CNOT11: variants seen among roughly 807,000 people sequenced by gnomAD.
CNOT11 encodes the protein CCR4-NOT transcription complex subunit 11.
A neutral mutation model predicts 44.6 loss-of-function variants in CNOT11; 18 were observed. That is an observed-to-expected ratio of 0.40 (90% confidence interval 0.28 to 0.60). CNOT11 has a LOEUF of 0.60. CNOT11 is among the 20% of genes least tolerant of loss of function. The probability of loss-of-function intolerance (pLI) is 0.38; values close to 1 mark genes in which losing one functional copy is unlikely to be tolerated. For synonymous variants in CNOT11, 291 were observed against 270.9 expected (o/e 1.07, Z -0.73); for missense variants, 513 against 677.0 (o/e 0.76, Z 2.69).
rs1177951422 is a variant in CNOT11, at chr2:101,264,859, G to C, written c.847G>C (p.Glu283Gln). 2 of 1,613,948 alleles carry C rather than the reference G, an allele frequency of 1.2e-6. No individual in the cohort carries two copies. Among genetic ancestry groups the C allele is most frequent in the African/African-American group, 2.7e-5 (2 of 74,906 alleles). ...KPPIESHFRP[E>Q]FIRPPPPLHI... ...TCTCATTACAGGCCATTTTCGACCA[G>C]AGTTTATTCGTCCACCGCCTCCACT... Residue 283 changes from glutamate to glutamine, a missense_variant, in exon 4 of 7, where the codon GAG (glutamate) becomes CAG (glutamine). Physicochemically the swap from Glu to Gln is conservative, Grantham distance 29. Coordinates refer to ENST00000289382, the MANE Select transcript of CNOT11 (RefSeq NM_017546.5).
At chr2:101,262,424 C>A in intron 2 of CNOT11, 115 bp from the exon 3 acceptor site, 1 of 885,466 alleles carries the variant, frequency 1.1e-6, no homozygotes, top group Non-Finnish European at 1.8e-6. Flanking sequence ...TTTTCTCTCT[C>A]TCTCTGAATC....
chr2:101,265,807 C>T (rs1473154873), intron 4 of CNOT11, among the ~76,000 whole-genome samples: 1 of 152,102 alleles, frequency 6.6e-6, no homozygotes, highest in Non-Finnish European at 1.5e-5. Flanking sequence ...TTAAAGTAGC[C>T]CCCACTGCCC....
At chr2:101,256,610 A>G (rs918187404) in intron 1 of CNOT11, among the ~76,000 whole-genome samples, 1 of 152,256 alleles carries the variant, frequency 6.6e-6, no homozygotes, top group Admixed American at 6.5e-5. Context: ...GTATTTGGAT[A>G]GCTGCTGGTT....
chr2:101,269,667 C>T lies in CNOT11; in HGVS notation c.*254C>T, dbSNP rs150501814. On this transcript the variant is annotated 3_prime_UTR_variant, in exon 7 of 7. Coordinates refer to ENST00000289382, the MANE Select transcript of CNOT11 (RefSeq NM_017546.5). This position sits in a 1 kb window ranked among gnomAD's most constrained non-coding sequence, Gnocchi z 4.8. ...GGAATGGCTATCCCAAAAAAAGTTC[C>T]GCAAAAAAGTAGATGAGTTTCTTTT... The T allele has an allele frequency of 4.5e-5, 15 of 336,398 alleles. No homozygotes were observed. The highest frequency in any genetic ancestry group is 8.1e-4 in the Middle Eastern group (1 of 1,232). The allele number at this position is 336,398 out of a possible 1,614,324, so 20.8% of individuals were successfully genotyped here.
rs557640216 is a variant in CNOT11, at chr2:101,268,116, G to A, written c.1239-924G>A. Among the ~76,000 whole-genome samples, 27 of 152,218 alleles carry A rather than the reference G, an allele frequency of 1.8e-4. 1 individual carries two copies. Among genetic ancestry groups the A allele is most frequent in the Non-Finnish European group, 1.2e-4 (8 of 68,046 alleles). On this transcript the variant is annotated intron_variant, in intron 5 of 6. Coordinates refer to ENST00000289382, the MANE Select transcript of CNOT11 (RefSeq NM_017546.5). ...GCGGTAGCAGAGGGAGGAAATGTGAGGTTTCCAAATTAATTTTTAACTTTA... is the reference window on the plus strand; with the variant it reads ...GCGGTAGCAGAGGGAGGAAATGTGAAGTTTCCAAATTAATTTTTAACTTTA...
chr2:101,261,031 T>C (rs1681851532), intron 2 of CNOT11, among the ~76,000 whole-genome samples: 1 of 152,206 alleles, frequency 6.6e-6, no homozygotes, highest in South Asian at 2.1e-4. Context: ...TTTTATTGAT[T>C]TGTATAGTTC....
chr2:101,255,247 G>A (rs967219516), intron 1 of CNOT11, among the ~76,000 whole-genome samples: 8 of 152,214 alleles, frequency 5.3e-5, no homozygotes, highest in Non-Finnish European at 1.2e-4. Context: ...TGTAATCCCA[G>A]CACTTTGGGA....
In CNOT11 at chr2:101,262,573, G is replaced by A. The variant is rs752800991; in HGVS notation, c.714G>A (p.Ala238=). ...CTGAATTGCCAACGCAAAGCAAAGC[G>A]AGCTTCCCCAGTATTCTCAGTGACC... ...RQSELPTQSK[A]SFPSILSDPD... Residue 238 remains alanine (A), a synonymous_variant, in exon 3 of 7, where the codon GCG becomes GCA. Coordinates refer to ENST00000289382, the MANE Select transcript of CNOT11 (RefSeq NM_017546.5). The A allele has an allele frequency of 6.2e-6, 10 of 1,614,086 alleles. No homozygotes were observed. The highest frequency in any genetic ancestry group is 4.5e-5 in the East Asian group (2 of 44,870).
chr2:101,269,553 C>T lies in CNOT11; in HGVS notation c.*140C>T. Reference sequence around the variant, plus strand: ...TCTACTTAAAGCAAAGTTTTGCTTTCTTGAATGACTTTTTCTGTGAGATGA... The same window carrying T: ...TCTACTTAAAGCAAAGTTTTGCTTTTTTGAATGACTTTTTCTGTGAGATGA... On this transcript the variant is annotated 3_prime_UTR_variant, in exon 7 of 7. Transcript: ENST00000289382. The surrounding 1 kb of genome is among the most constrained non-coding windows in gnomAD (Gnocchi z 4.8). 1.6e-6 allele frequency: 1 copy of T among 608,050 alleles called. No homozygotes were observed. The highest frequency in any genetic ancestry group is 2.7e-6 in the Non-Finnish European group (1 of 368,290). 37.7% of individuals were successfully genotyped at this position (608,050 alleles called of 1,614,324 possible).
chr2:101,268,068 TAGA>T (rs746382371), intron 5 of CNOT11, among the ~76,000 whole-genome samples: 4 of 152,212 alleles, frequency 2.6e-5, no homozygotes, highest in African/African-American at 7.2e-5. Flanking sequence ...AGTACGTGCA[TAGA>T]AGGAGAGTGC....
rs1344873127 is a variant in CNOT11, at chr2:101,253,089, GCGGAGCAAGCGGCCC to G, written c.129_143del (p.Ala44_Gly48del). ...TTCGGGGGCTCCGGCGGCGGCAGAG[GCGGAGCAAGCGGCCC>G]CGGGTCCGGGAGCGGAGGCCCGGGG... On this transcript the variant is annotated inframe_deletion, in exon 1 of 7. Transcript: ENST00000289382. This position sits in a 1 kb window ranked among gnomAD's most constrained non-coding sequence, Gnocchi z 4.3. 1 of 1,512,200 alleles carries G rather than the reference GCGGAGCAAGCGGCCC, an allele frequency of 6.6e-7. No homozygotes were observed. The highest frequency in any genetic ancestry group is 2.2e-5 in the Admixed American group (1 of 46,398). 93.7% of individuals were successfully genotyped at this position (1,512,200 alleles called of 1,614,324 possible). A position where few individuals can be genotyped will look rare whatever the true frequency, so the allele number is the denominator to read the frequency against.
In CNOT11 at chr2:101,253,400, G is replaced by T; in HGVS notation, c.436G>T (p.Ala146Ser). The T allele has an allele frequency of 6.3e-7, 1 of 1,588,650 alleles. No individual in the cohort carries two copies. Residue 146 changes from alanine to serine, a missense_variant, in exon 1 of 7, where the codon GCC becomes TCC. This residue lies in a region of CNOT11 where 259 missense variants were observed against 265.7 expected (regional missense o/e 0.97). Coordinates refer to ENST00000289382, the MANE Select transcript of CNOT11 (RefSeq NM_017546.5). The surrounding 1 kb of genome is among the most constrained non-coding windows in gnomAD (Gnocchi z 4.3). ...CGAGCCGCTGGCCGCCAACCCCTTCGCCGCCAGCTTCGCGCACCTGCTCAA... is the reference window on the plus strand; with the variant it reads ...CGAGCCGCTGGCCGCCAACCCCTTCTCCGCCAGCTTCGCGCACCTGCTCAA... ...RTEPLAANPF[A>S]ASFAHLLNPA... is the part of the protein sequence containing the mutation.
chr2:101,253,884 C>G lies in CNOT11; in HGVS notation c.514+406C>G, dbSNP rs919420870. 6.6e-6 allele frequency among the ~76,000 whole-genome samples: 1 copy of G among 152,150 alleles called. No homozygotes were observed. The highest frequency in any genetic ancestry group is 1.5e-5 in the Non-Finnish European group (1 of 68,036). On this transcript the variant is annotated intron_variant, in intron 1 of 6. Transcript: ENST00000289382. The surrounding 1 kb of genome is among the most constrained non-coding windows in gnomAD (Gnocchi z 4.3). ...GTACGTGGAAGTCAGTATTAAGAAG[C>G]TGAAGAAGTTGGTGGGCGGAAATAC... is the stretch of plus-strand genomic sequence containing the variant.
At chr2:101,264,483 C>T (rs1185411937) in intron 3 of CNOT11, among the ~76,000 whole-genome samples, 1 of 152,128 alleles carries the variant, frequency 6.6e-6, no homozygotes, top group African/African-American at 2.4e-5. Flanking sequence ...TGTGTGAGGG[C>T]ATAGTATTTC....
intron 2 of CNOT11, among the ~76,000 whole-genome samples, chr2:101,258,499 A>G (rs1681783471): frequency 6.6e-6 from 1 of 152,070 alleles, no homozygotes; most frequent in African/African-American, 2.4e-5. Context: ...TTTCACTTGA[A>G]TTGATTGCTT....
chr2:101,268,694 A>C (rs1210752602), intron 5 of CNOT11, among the ~76,000 whole-genome samples: 1 of 152,228 alleles, frequency 6.6e-6, no homozygotes, highest in Non-Finnish European at 1.5e-5. Context: ...TTCTCATTAA[A>C]ACATTCCATG....
At position 101,264,997 on chromosome 2, in the gene CNOT11, A is replaced by G; in HGVS notation, c.985A>G (p.Ile329Val). 6.2e-7 allele frequency: 1 copy of G among 1,614,202 alleles called. No individual in the cohort carries two copies. Among genetic ancestry groups the G allele is most frequent in the Non-Finnish European group, 8.5e-7 (1 of 1,180,020 alleles). ...KNSTGVEIKR[I>V]MAKAFKSPLS... ...TAGCACTGGTGTGGAGATCAAACGA[A>G]TAATGGCCAAAGCCTTCAAAAGCCC... Residue 329 changes from isoleucine to valine, a missense_variant, in exon 4 of 7, where the codon ATA (isoleucine) becomes GTA (valine). By Grantham distance (29) the Ile-to-Val change is conservative (BLOSUM62 3). Coordinates refer to ENST00000289382, the MANE Select transcript of CNOT11 (RefSeq NM_017546.5).
rs200016447 is a variant in CNOT11, at chr2:101,264,938, C to T, written c.926C>T (p.Ala309Val). The T allele has an allele frequency of 3.3e-5, 53 of 1,613,958 alleles. No individual in the cohort carries two copies. Among genetic ancestry groups the T allele is most frequent in the East Asian group, 8.9e-5 (4 of 44,878 alleles). ...CTAAACCCCACGGAGCCTGACCACG[C>T]GATCCAGTGGGATAAATCGATGTGT... is the stretch of plus-strand genomic sequence containing the variant. ...AWLNPTEPDH[A>V]IQWDKSMCVK... Residue 309 changes from alanine to valine, a missense_variant, in exon 4 of 7, where the codon GCG (alanine) becomes GTG (valine). Ala to Val is a moderately conservative substitution (Grantham distance 64). This residue lies in a region of CNOT11 where 140 missense variants were observed against 169.8 expected (regional missense o/e 0.82). Transcript: ENST00000289382.
At chr2:101,268,821 G>A (rs1030268656) in intron 5 of CNOT11, among the ~76,000 whole-genome samples, 4 of 152,096 alleles carry the variant, frequency 2.6e-5, no homozygotes, top group African/African-American at 9.7e-5. Flanking sequence ...AAATAATTGC[G>A]ATATGTAAAT....
Sources: gnomAD v4.1 joint callset for allele counts (sites outside exome capture counted in the v4.1 genomes callset) on GRCh38, gnomAD v4.1.1 for gene constraint, gnomAD v4.1.1 regional missense constraint, Gnocchi (gnomAD v3.1) non-coding constraint, MANE v1.5 for transcripts, NCBI Gene and HGNC (gene_info 2026-07-23, HGNC 2026-07-21) for gene names.